The following FAAH2 variants were observed in gnomAD, a reference collection of about 807,000 sequenced individuals.
FAAH2 encodes the protein fatty-acid amide hydrolase 2.
FAAH2 carries 60 observed loss-of-function variants against 36.9 expected under a neutral mutation model. That is an observed-to-expected ratio of 1.63 (90% CI 1.32 to 2.02). The LOEUF is 2.02. Among genes scored for constraint, FAAH2 ranks in the 30% most tolerant of loss-of-function variants. The pLI, the probability that FAAH2 is intolerant of heterozygous loss-of-function variation, is 0.00. For synonymous variants in FAAH2, 214 were observed against 143.8 expected (o/e 1.49, Z -3.49); for missense variants, 689 against 397.5 (o/e 1.73, Z -6.23).
At chrX:57,172,597 T>C in the FAAH2 span, among the ~76,000 whole-genome samples, 1 of 112,454 alleles carries the variant, frequency 8.9e-6, no homozygotes, top group African/African-American at 3.2e-5. Flanking sequence ...TGCCTTGGTG[T>C]ACTAGAAGAA....
At chrX:57,441,257 T>G (rs1195339540) in intron 8 of FAAH2, among the ~76,000 whole-genome samples, 1 of 111,487 alleles carries the variant, frequency 9.0e-6, no homozygotes, top group Non-Finnish European at 1.9e-5. Flanking sequence ...GTTGGTAGGC[T>G]AATTATTGCA....
At chrX:57,360,742 G>T (rs1172647251) in intron 5 of FAAH2, among the ~76,000 whole-genome samples, 2 of 110,931 alleles carry the variant, frequency 1.8e-5, no homozygotes, top group African/African-American at 6.6e-5. Flanking sequence ...GGTGTGCCAT[G>T]GTGGTTTGCT....
intron 10 of FAAH2, among the ~76,000 whole-genome samples, chrX:57,468,863 C>A (rs1160220309): frequency 9.0e-6 from 1 of 111,415 alleles, no homozygotes; most frequent in Admixed American, 9.6e-5. Context: ...GTTGGGTTAC[C>A]CACAAAAGAA....
At chrX:57,459,587 A>G (rs965733799) in intron 10 of FAAH2, among the ~76,000 whole-genome samples, 4 of 111,948 alleles carry the variant, frequency 3.6e-5, no homozygotes, top group Admixed American at 2.8e-4. Flanking sequence ...GACACCTCAT[A>G]CAGGAGAGCT....
chrX:57,309,033 G>A (rs752650241), intron 2 of FAAH2, among the ~76,000 whole-genome samples: 1 of 111,785 alleles, frequency 8.9e-6, no homozygotes, highest in South Asian at 3.7e-4. Context: ...TTTCCAGTGA[G>A]CCCAAAGATA....
chrX:57,458,600 G>A (rs2056902711), intron 10 of FAAH2, among the ~76,000 whole-genome samples: 1 of 112,278 alleles, frequency 8.9e-6, no homozygotes, highest in Non-Finnish European at 1.9e-5. Flanking sequence ...CAACGCAGAA[G>A]GGGAGTGACT....
chrX:57,282,007 G>A (rs1166526134), upstream of FAAH2, among the ~76,000 whole-genome samples: 1 of 111,885 alleles, frequency 8.9e-6, no homozygotes, highest in Non-Finnish European at 1.9e-5. Flanking sequence ...CTTTGTTATT[G>A]TGAATAGGGC....
chrX:57,348,544 G>A (rs768134266), intron 5 of FAAH2, among the ~76,000 whole-genome samples: 16 of 111,080 alleles, frequency 1.4e-4, no homozygotes, highest in Non-Finnish European at 2.8e-4. Flanking sequence ...CTTGGCACGA[G>A]GATGGATGCT....
chrX:57,353,327 G>A (rs2054074167), intron 5 of FAAH2, among the ~76,000 whole-genome samples: 2 of 108,858 alleles, frequency 1.8e-5, no homozygotes, highest in African/African-American at 3.3e-5. Context: ...GACAAAGGCA[G>A]CAATAATATA....
rs2054838129 is a variant in FAAH2 at position 57,381,176 on chromosome X, T to C, written c.996+147T>C. 2.5e-5 allele frequency: 10 copies of C among 399,856 alleles called. No homozygotes were observed. The Admixed American group carries it at 2.7e-4, about 11-fold the overall frequency. The allele number at this position is 399,856 out of a possible 1,213,427, so 33.0% of individuals were successfully genotyped here. A position where few individuals can be genotyped will look rare whatever the true frequency, so the allele number is the denominator to read the frequency against. ...CAGTTATACTAAGGAATTTTGGATG[T>C]AATTTTTCATGGTTATTTTAGATAT... On this transcript the variant is annotated intron_variant, in intron 7 of 10. Coordinates refer to ENST00000374900, the MANE Select transcript of FAAH2 (RefSeq NM_174912.4).
At chrX:57,330,816 G>A (rs1216086305) in intron 3 of FAAH2, among the ~76,000 whole-genome samples, 1 of 111,307 alleles carries the variant, frequency 9.0e-6, no homozygotes, top group African/African-American at 3.3e-5. Context: ...CCCAATAGGA[G>A]GGTATGGGCT....
chrX:57,265,369 G>C, the FAAH2 span, among the ~76,000 whole-genome samples: 27 of 111,778 alleles, frequency 2.4e-4, 1 homozygote, highest in Admixed American at 2.2e-3. Flanking sequence ...CACCTCACAG[G>C]ATAAGACCCA....
the FAAH2 span, among the ~76,000 whole-genome samples, chrX:57,242,610 G>A: frequency 9.0e-6 from 1 of 111,506 alleles, no homozygotes. Flanking sequence ...CATGGAGGGT[G>A]AGCAGAAACA....
rs191774670 is a variant in FAAH2, at chrX:57,324,954, C to T, written c.413-6644C>T. On this transcript the variant is annotated intron_variant, in intron 3 of 10. Transcript: ENST00000374900. ...GGAATACTTCCAGTTTTTGCCCATT[C>T]AGTATGATATTGGCTGTGGGTTTGT... Among the ~76,000 whole-genome samples, 393 of 112,160 alleles carry T rather than the reference C, an allele frequency of 3.5e-3. 1 individual carries two copies. The highest frequency in any genetic ancestry group is 6.3e-3 in the Non-Finnish European group (334 of 53,268).
the FAAH2 span, among the ~76,000 whole-genome samples, chrX:57,234,263 A>G: frequency 9.0e-6 from 1 of 111,427 alleles, no homozygotes; most frequent in East Asian, 2.8e-4. Context: ...GCAGCACACC[A>G]CAGGTCTTAA....
intron 10 of FAAH2, among the ~76,000 whole-genome samples, chrX:57,450,628 C>T (rs1191869074): frequency 9.0e-6 from 1 of 111,025 alleles, no homozygotes; most frequent in Non-Finnish European, 1.9e-5. Flanking sequence ...TTTTTTCCTA[C>T]TGAGAAATAC....
chrX:57,162,379 C>G, the FAAH2 span, among the ~76,000 whole-genome samples: 1 of 111,124 alleles, frequency 9.0e-6, no homozygotes, highest in African/African-American at 3.3e-5. Flanking sequence ...GTGGCGTTCT[C>G]TGTATTTCCT....
At chrX:57,248,780 A>AG in the FAAH2 span, among the ~76,000 whole-genome samples, 1 of 97,035 alleles carries the variant, frequency 1.0e-5, no homozygotes, top group Non-Finnish European at 2.0e-5. Flanking sequence ...AAAAAAAAAA[A>AG]TCGAATAGTG....
chrX:57,439,388 C>T (rs1207920151), intron 8 of FAAH2, among the ~76,000 whole-genome samples: 2 of 111,976 alleles, frequency 1.8e-5, no homozygotes, highest in African/African-American at 3.2e-5. Flanking sequence ...TTTTTGACTG[C>T]ATAAATGTCT....
Sources: gnomAD v4.1 joint callset for allele counts (sites outside exome capture counted in the v4.1 genomes callset) on GRCh38, gnomAD v4.1.1 for gene constraint, MANE v1.5 for transcripts, NCBI Gene and HGNC (gene_info 2026-07-23, HGNC 2026-07-21) for gene names.